ABCC12: variants seen among roughly 807,000 people sequenced by gnomAD.
ABCC12 encodes ATP binding cassette subfamily C member 12.
A neutral mutation model predicts 151.1 loss-of-function variants in ABCC12; 142 were observed. The ratio of observed to expected loss-of-function variants is 0.94; its 90% confidence interval spans 0.82 to 1.08. ABCC12 has a LOEUF of 1.08. Among genes scored for constraint, ABCC12 ranks in the 50% least tolerant of loss-of-function variants. ABCC12 has a pLI of 0.00. For synonymous variants in ABCC12, 645 were observed against 646.4 expected, an observed-to-expected ratio of 1.00 and a Z score of 0.03; for missense variants, 1,638 against 1,691.1, an observed-to-expected ratio of 0.97 and a Z score of 0.55.
intron 2 of ABCC12, among the ~76,000 whole-genome samples, chr16:48,149,117 T>C (rs1965081676): frequency 6.6e-6 from 1 of 151,654 alleles, no homozygotes; most frequent in Admixed American, 6.6e-5. Context: ...TATGGGATGA[T>C]ATAAAAATAA....
rs1962568268 is a variant in ABCC12, at chr16:48,085,762, GCT to G, written c.3715-58_3715-57del. On this transcript the variant is annotated intron_variant, in intron 28 of 30. Coordinates refer to ENST00000311303, the MANE Select transcript of ABCC12 (RefSeq NM_001393797.1). Reference sequence around the variant, plus strand: ...CTGATGATCTATAAAATTGTCCTATGCTGTCTGTATTGATTGCCCCCTTCTCT... The same window carrying G: ...CTGATGATCTATAAAATTGTCCTATGGTCTGTATTGATTGCCCCCTTCTCT... 6 of 1,435,506 alleles carry G rather than the reference GCT, an allele frequency of 4.2e-6. No individual in the cohort carries two copies. The South Asian group carries it at 6.9e-5, about 16-fold the overall frequency. The allele number at this position is 1,435,506 out of a possible 1,614,324, so 88.9% of individuals were successfully genotyped here.
chr16:48,099,527 A>C (rs1273379802), intron 23 of ABCC12, among the ~76,000 whole-genome samples: 1 of 152,242 alleles, frequency 6.6e-6, no homozygotes, highest in Non-Finnish European at 1.5e-5. Context: ...AGGAAAAGAC[A>C]GAAAGTGGGA....
At chr16:48,102,370 T>C (rs1269028388) in intron 22 of ABCC12, among the ~76,000 whole-genome samples, 1 of 152,264 alleles carries the variant, frequency 6.6e-6, no homozygotes, top group African/African-American at 2.4e-5. Flanking sequence ...AACTGAGCTT[T>C]GAGCCCCTAT....
In ABCC12 at chr16:48,105,127, T is replaced by TTG. The variant is rs1567447764; in HGVS notation, c.2673+10_2673+11dup. The TTG allele has an allele frequency of 6.2e-7, 1 of 1,614,084 alleles. No individual in the cohort carries two copies. The highest frequency in any genetic ancestry group is 2.2e-5 in the East Asian group (1 of 44,870). The stretch of plus-strand genomic sequence containing the variant: ...GAATAACTGGGTACACCTGCAATGC[T>TTG]TGTGGCCCTACCTTATCAAACACCG... On this transcript the variant is annotated intron_variant, in intron 21 of 30. Coordinates refer to ENST00000311303, the MANE Select transcript of ABCC12 (RefSeq NM_001393797.1).
At chr16:48,127,122 C>G (rs1964266273) in intron 11 of ABCC12, among the ~76,000 whole-genome samples, 1 of 152,118 alleles carries the variant, frequency 6.6e-6, no homozygotes, top group Admixed American at 6.6e-5. Context: ...GCTTTGTTAG[C>G]TATGAGAGGT....
rs746943809 is a variant in ABCC12 at position 48,095,419 on chromosome 16, G to T, written c.3195+1327C>A. Among the ~76,000 whole-genome samples, 46 of 152,266 alleles carry T rather than the reference G, an allele frequency of 3.0e-4. 3 individuals carry two copies. Among genetic ancestry groups the T allele is most frequent in the East Asian group, 1.5e-3 (8 of 5,190 alleles). On this transcript the variant is annotated intron_variant, in intron 24 of 30. Coordinates refer to ENST00000311303, the MANE Select transcript of ABCC12 (RefSeq NM_001393797.1). Reference sequence around the variant, plus strand: ...TCTCAGGTATGTCTTTATCAGCAGTGTGAGAACTAACACACTAATTAATAT... The same window carrying T: ...TCTCAGGTATGTCTTTATCAGCAGTTTGAGAACTAACACACTAATTAATAT...
At chr16:48,150,044 A>G (rs1965096509) in intron 2 of ABCC12, among the ~76,000 whole-genome samples, 1 of 152,226 alleles carries the variant, frequency 6.6e-6, no homozygotes, top group South Asian at 2.1e-4. Context: ...CAAGTTAAAG[A>G]TTCTTACTAA....
intron 13 of ABCC12, 38 bp downstream of exon 13, chr16:48,121,678 A>G: frequency 6.2e-7 from 1 of 1,612,832 alleles, no homozygotes; most frequent in Non-Finnish European, 8.5e-7. Context: ...GTGTGTACCA[A>G]ACACAAATGT....
intron 11 of ABCC12, among the ~76,000 whole-genome samples, chr16:48,126,410 T>A (rs560844481): frequency 5.5e-4 from 83 of 152,248 alleles, no homozygotes; most frequent in Non-Finnish European, 7.6e-4. Flanking sequence ...ACGACATAAC[T>A]GTGAACAAAA....
At chr16:48,088,768 G>A (rs1437497769) in intron 25 of ABCC12, 34 bp from the exon 26 acceptor site, 8 of 1,549,502 alleles carry the variant, frequency 5.2e-6, no homozygotes, top group Non-Finnish European at 7.0e-6. Context: ...CCAGTGACTA[G>A]CCATTTGTTT....
intron 29 of ABCC12, 82 bp from the exon 30 acceptor site, chr16:48,084,155 G>T: frequency 7.4e-7 from 1 of 1,348,036 alleles, no homozygotes. Context: ...TTAAAAAAAA[G>T]AAGAAGAAGA....
chr16:48,144,426 C>G lies in ABCC12; in HGVS notation c.120-361G>C, dbSNP rs1028295655. ...TTCCCCTCCTCTTCCTTCTTTTTTC[C>G]CCTCCCATTCCTCCTTCTCTTCCTT... On this transcript the variant is annotated intron_variant, in intron 3 of 30. Coordinates refer to ENST00000311303, the MANE Select transcript of ABCC12 (RefSeq NM_001393797.1). 4.6e-4 allele frequency among the ~76,000 whole-genome samples: 69 copies of G among 150,852 alleles called. 1 individual carries two copies.
chr16:48,105,538 C>T (rs1222750359), intron 20 of ABCC12, among the ~76,000 whole-genome samples: 1 of 152,134 alleles, frequency 6.6e-6, no homozygotes, highest in Non-Finnish European at 1.5e-5. Context: ...ACTCATGACC[C>T]CAAGGGGCAC....
At position 48,083,725 on chromosome 16, in the gene ABCC12, A is replaced by T. The variant is rs1268043409; in HGVS notation, c.4070T>A (p.Val1357Asp). 6.2e-7 allele frequency: 1 copy of T among 1,614,190 alleles called. No homozygotes were observed. Among genetic ancestry groups the T allele is most frequent in the Non-Finnish European group, 8.5e-7 (1 of 1,180,022 alleles). ...CAGCCGCCAGGACCTCTACAATCTG[A>T]CTTCTGCTGCTAGTAACATCGCAAA... The part of the protein sequence containing the change: ...SAFAMLLAAE[V>D]RL Residue 1357 changes from valine (V) to aspartate (D), a missense_variant, in exon 31 of 31, where the codon GTC becomes GAC. By Grantham distance (152) the Val-to-Asp change is radical. Transcript: ENST00000311303.
rs41280931 is a variant in ABCC12, at chr16:48,146,426, C to A, written c.-2G>T. 4 of 1,613,548 alleles carry A rather than the reference C, an allele frequency of 2.5e-6. No individual in the cohort carries two copies. The highest frequency in any genetic ancestry group is 3.4e-6 in the Non-Finnish European group (4 of 1,179,452). On this transcript the variant is annotated 5_prime_UTR_variant, in exon 3 of 31. In the 5' UTR this introduces an upstream ATG that the reference lacks. Coordinates refer to ENST00000311303, the MANE Select transcript of ABCC12 (RefSeq NM_001393797.1). ...AAGGTAGGGTCCTTCACCCACCATC[C>A]TGATGGCAGCCTGGAGCCCTGGGCT...
intron 8 of ABCC12, among the ~76,000 whole-genome samples, chr16:48,136,798 C>T (rs774645398): frequency 6.6e-4 from 101 of 152,174 alleles, no homozygotes; most frequent in Admixed American, 1.2e-3. Flanking sequence ...GCAAGGATCC[C>T]GAGGCATGAA....
At chr16:48,111,097 T>C (rs2150617238) in intron 18 of ABCC12, among the ~76,000 whole-genome samples, 1 of 152,352 alleles carries the variant, frequency 6.6e-6, no homozygotes, top group African/African-American at 2.4e-5. Flanking sequence ...TAATAACTAT[T>C]GAGCATCACT....
intron 4 of ABCC12, among the ~76,000 whole-genome samples, chr16:48,141,776 A>G (rs1347190425): frequency 1.3e-5 from 2 of 152,240 alleles, no homozygotes; most frequent in African/African-American, 4.8e-5. Flanking sequence ...AACAGTGGGA[A>G]GCAAGGCAGG....
chr16:48,087,217 G>C (rs1038949736), intron 27 of ABCC12: 1 of 198,396 alleles, frequency 5.0e-6, no homozygotes, highest in African/African-American at 2.3e-5. Flanking sequence ...TGTATCGGCA[G>C]CTCCTAGGGC....
Sources: gnomAD v4.1 joint callset for allele counts (sites outside exome capture counted in the v4.1 genomes callset) on GRCh38, gnomAD v4.1.1 for gene constraint, MANE v1.5 for transcripts, NCBI Gene and HGNC (gene_info 2026-07-23, HGNC 2026-07-21) for gene names.